The following SPTBN1 variants were observed in gnomAD, a reference collection of about 807,000 sequenced individuals.
SPTBN1 encodes the protein spectrin beta, non-erythrocytic 1, also known as spectrin beta chain, non-erythrocytic 1.
Under a neutral mutation model 266.4 loss-of-function variants are expected in SPTBN1, and 32 were observed. That is an observed-to-expected ratio of 0.12 (90% CI 0.09 to 0.16). The LOEUF is 0.16. Among genes scored for constraint, SPTBN1 ranks in the 10% least tolerant of loss-of-function variants. The pLI, the probability that SPTBN1 is intolerant of heterozygous loss-of-function variation, is 1.00. For missense variants in SPTBN1, 2,296 were observed against 3,067.1 expected, an observed-to-expected ratio of 0.75 and a Z score of 5.94; for synonymous variants, 1,336 against 1,162.2, an observed-to-expected ratio of 1.15 and a Z score of -3.04.
In SPTBN1 at chr2:54,625,555, A is replaced by AG. The variant is rs374080303; in HGVS notation, c.1342-370dup. The stretch of plus-strand genomic sequence containing the variant: ...ATGTCTGTTCTTTTTCCTTTTTTGG[A>AG]GGGGGGGTGGCGCGGGAAATAGGTT... On this transcript the variant is annotated intron_variant, in intron 11 of 35. Coordinates refer to ENST00000356805, the MANE Select transcript of SPTBN1 (RefSeq NM_003128.3). Among the ~76,000 whole-genome samples, 233 of 130,588 alleles carry AG rather than the reference A, an allele frequency of 1.8e-3. 3 individuals are homozygous for AG. In the South Asian group the frequency reaches 0.045, roughly 25 times the overall value. The allele number at this position is 130,588 out of a possible 152,430, so 85.7% of individuals were successfully genotyped here. A position where few individuals can be genotyped will look rare whatever the true frequency, so the allele number is the denominator to read the frequency against.
intron 2 of SPTBN1, among the ~76,000 whole-genome samples, chr2:54,598,463 A>G (rs1676252550): frequency 1.8e-5 from 1 of 56,634 alleles, no homozygotes; most frequent in African/African-American, 1.4e-4. Flanking sequence ...GTTGCTTGCC[A>G]TTTTCTTTTG....
In SPTBN1 at chr2:54,558,434, C is replaced by A; in HGVS notation, c.148+31868C>A. 1 of 1,025,240 alleles carries A rather than the reference C, an allele frequency of 9.8e-7. No individual in the cohort carries two copies. The highest frequency in any genetic ancestry group is 1.2e-6 in the Non-Finnish European group (1 of 856,238). 63.5% of individuals were successfully genotyped at this position (1,025,240 alleles called of 1,614,324 possible). ...CCCGCGAGCTCCCGGGCTCGGCAAC[C>A]GTGGCATGCTTAGGATTGGCCATAT... On this transcript the variant is annotated intron_variant, in intron 2 of 35. Coordinates refer to ENST00000356805, the MANE Select transcript of SPTBN1 (RefSeq NM_003128.3). The surrounding 1 kb of genome is among the most constrained non-coding windows in gnomAD (Gnocchi z 4.6).
At chr2:54,530,842 G>A (rs1410695894) in intron 2 of SPTBN1, among the ~76,000 whole-genome samples, 1 of 152,078 alleles carries the variant, frequency 6.6e-6, no homozygotes, top group Non-Finnish European at 1.5e-5. Context: ...TACCCATAAG[G>A]TGTCCCTTTT....
intron 32 of SPTBN1, chr2:54,663,182 T>C (rs1681166875): frequency 6.6e-6 from 1 of 152,222 alleles, no homozygotes; most frequent in Admixed American, 6.5e-5. Flanking sequence ...AGTTTACAGA[T>C]CCAGGTGTTC....
At chr2:54,591,606 A>G (rs562850252) in intron 2 of SPTBN1, among the ~76,000 whole-genome samples, 5 of 152,152 alleles carry the variant, frequency 3.3e-5, no homozygotes, top group Non-Finnish European at 7.4e-5. Context: ...ACAGTTCCTG[A>G]TTCTATGTTT....
At chr2:54,578,902 C>G (rs1674683310) in intron 2 of SPTBN1, among the ~76,000 whole-genome samples, 1 of 152,064 alleles carries the variant, frequency 6.6e-6, no homozygotes, top group Non-Finnish European at 1.5e-5. Flanking sequence ...TATGCCCTCT[C>G]TGTCCAGGAG....
intron 6 of SPTBN1, 92 bp downstream of exon 6, chr2:54,617,780 T>C (rs1282739454): frequency 4.0e-6 from 5 of 1,254,614 alleles, no homozygotes; most frequent in Non-Finnish European, 5.7e-6. Flanking sequence ...ATCCGTTGGC[T>C]TAACTGTCTC....
intron 16 of SPTBN1, among the ~76,000 whole-genome samples, chr2:54,632,098 A>AT (rs1678774518): frequency 2.0e-5 from 3 of 149,854 alleles, no homozygotes; most frequent in African/African-American, 7.4e-5. Flanking sequence ...AAAAAAAAAA[A>AT]GTACGGTGAG....
chr2:54,471,934 TC>T (rs1558754997), intron 1 of SPTBN1, among the ~76,000 whole-genome samples: 2 of 100,246 alleles, frequency 2.0e-5, no homozygotes, highest in Non-Finnish European at 4.2e-5. Flanking sequence ...ATCTGAAACT[TC>T]ACTTGTAGTT....
chr2:54,471,533 A>G (rs1427545280), intron 1 of SPTBN1, among the ~76,000 whole-genome samples: 1 of 150,170 alleles, frequency 6.7e-6, no homozygotes, highest in Non-Finnish European at 1.5e-5. Flanking sequence ...AATAAATGGC[A>G]GGTTGGTTGT....
chr2:54,652,752 A>G (rs1007953099), intron 26 of SPTBN1: 2 of 152,236 alleles, frequency 1.3e-5, no homozygotes, highest in Non-Finnish European at 2.9e-5. Flanking sequence ...ATTTTTGCCA[A>G]CTAATAGATG....
Position 54,629,234 on chromosome 2 carries a change from A to T in SPTBN1, c.2100A>T (p.Glu700Asp), listed in dbSNP as rs1291000052. Residue 700 changes from glutamate (E) to aspartate (D), a missense_variant, in exon 14 of 36, where the codon GAA becomes GAT. Glu to Asp is a conservative substitution (Grantham distance 45, BLOSUM62 2). Transcript: ENST00000356805. ...GCCACTTTGAGCAGGCCATCAAGGA[A>T]GGCGAAGACATGATCGCGGAGGAGC... ...RSGHFEQAIKEGEDMIAEEHF... is the reference protein window; with the variant it reads ...RSGHFEQAIKDGEDMIAEEHF... 1.2e-6 allele frequency: 2 copies of T among 1,613,948 alleles called. No individual in the cohort carries two copies. Among genetic ancestry groups the T allele is most frequent in the Non-Finnish European group, 1.7e-6 (2 of 1,180,030 alleles).
intron 1 of SPTBN1, among the ~76,000 whole-genome samples, chr2:54,463,659 A>T (rs1399067922): frequency 2.0e-5 from 3 of 152,250 alleles, no homozygotes; most frequent in African/African-American, 7.2e-5. Flanking sequence ...ATCACAATAA[A>T]TTTTAATGAT....
chr2:54,670,956 T>G lies in SPTBN1; in HGVS notation c.*2387T>G, dbSNP rs1046457327. The G allele has an allele frequency of 2.5e-6, 1 of 396,698 alleles. No individual in the cohort carries two copies. The highest frequency in any genetic ancestry group is 2.1e-5 in the African/African-American group (1 of 48,196). The allele number at this position is 396,698 out of a possible 1,614,324, so 24.6% of individuals were successfully genotyped here. A position where few individuals can be genotyped will look rare whatever the true frequency, so the allele number is the denominator to read the frequency against. On this transcript the variant is annotated 3_prime_UTR_variant, in exon 36 of 36. Coordinates refer to ENST00000356805, the MANE Select transcript of SPTBN1 (RefSeq NM_003128.3). ...GCAGGGTAAATAGTTTTTGGGTTTT[T>G]TGTTTTTTTTTTATTCTTCCACTAT...
intron 3 of SPTBN1, among the ~76,000 whole-genome samples, chr2:54,608,003 A>G (rs1676961891): frequency 6.6e-6 from 1 of 152,190 alleles, no homozygotes; most frequent in Non-Finnish European, 1.5e-5. Flanking sequence ...TTAACTACCC[A>G]GGGGAAGAGC....
chr2:54,489,966 T>C (rs969093205), intron 1 of SPTBN1, among the ~76,000 whole-genome samples: 1 of 152,154 alleles, frequency 6.6e-6, no homozygotes, highest in African/African-American at 2.4e-5. Flanking sequence ...TGTGTTTCTA[T>C]AAGAACATGA....
intron 18 of SPTBN1, 87 bp from the exon 19 acceptor site, chr2:54,642,895 TA>T (rs1377009861): frequency 2.0e-6 from 3 of 1,494,016 alleles, no homozygotes; most frequent in Non-Finnish European, 1.8e-6. Context: ...GTAGTATGCA[TA>T]ATATGACATA....
intron 2 of SPTBN1, among the ~76,000 whole-genome samples, chr2:54,583,631 G>A (rs140134009): frequency 1.4e-4 from 21 of 152,272 alleles, no homozygotes; most frequent in African/African-American, 4.6e-4. Flanking sequence ...TTACAAGGAA[G>A]TATTAATGTT....
intron 3 of SPTBN1, among the ~76,000 whole-genome samples, chr2:54,607,800 C>T (rs1676947610): frequency 6.6e-6 from 1 of 152,178 alleles, no homozygotes; most frequent in Non-Finnish European, 1.5e-5. Context: ...AATTTTTCTA[C>T]TTGTGGTAGG....
Sources: allele counts gnomAD v4.1 joint callset (sites outside exome capture counted in the v4.1 genomes callset), GRCh38; gene constraint gnomAD v4.1.1; non-coding constraint Gnocchi (gnomAD v3.1); transcripts MANE v1.5; gene names NCBI Gene and HGNC (gene_info 2026-07-23, HGNC 2026-07-21).